LTBP1: variants seen among roughly 807,000 people sequenced by gnomAD.
LTBP1 encodes the protein latent-transforming growth factor beta-binding protein 1.
In LTBP1, 129 loss-of-function variants were observed where a neutral mutation model predicts 207.6. That is an observed-to-expected ratio of 0.62 (90% CI 0.54 to 0.72). The LOEUF is 0.72. Among genes scored for constraint, LTBP1 ranks in the 30% least tolerant of loss-of-function variants. The probability of loss-of-function intolerance (pLI) is 0.00; values close to 1 mark genes in which losing one functional copy is unlikely to be tolerated. For missense variants in LTBP1, 2,281 were observed against 2,217.2 expected, an observed-to-expected ratio of 1.03 and a Z score of -0.58; for synonymous variants, 963 against 833.7, an observed-to-expected ratio of 1.16 and a Z score of -2.67.
chr2:33,323,623 C>T (rs916055005), intron 24 of LTBP1, among the ~76,000 whole-genome samples: 5 of 101,896 alleles, frequency 4.9e-5, no homozygotes, highest in Non-Finnish European at 8.0e-5. Flanking sequence ...AGCAAGACTC[C>T]GTCTCAAAAC....
At chr2:33,395,297 A>C (rs895310954) in intron 32 of LTBP1, among the ~76,000 whole-genome samples, 1 of 152,164 alleles carries the variant, frequency 6.6e-6, no homozygotes, top group African/African-American at 2.4e-5. Flanking sequence ...CCCATGGTTC[A>C]TTTCCACAAA....
At chr2:33,393,843 T>G (rs1401432362) in intron 32 of LTBP1, among the ~76,000 whole-genome samples, 1 of 152,204 alleles carries the variant, frequency 6.6e-6, no homozygotes, top group African/African-American at 2.4e-5. Context: ...TATTTCTAGT[T>G]CTAGATCCTT....
At chr2:33,050,931 G>A (rs992415844) in intron 3 of LTBP1, among the ~76,000 whole-genome samples, 4 of 151,866 alleles carry the variant, frequency 2.6e-5, no homozygotes, top group East Asian at 1.9e-4. Flanking sequence ...ACAGGGTTTC[G>A]CCAGACTGGT....
intron 31 of LTBP1, 44 bp from the exon 32 acceptor site, chr2:33,389,140 G>T: frequency 1.2e-6 from 2 of 1,612,594 alleles, no homozygotes; most frequent in Non-Finnish European, 1.7e-6. Context: ...GGGCAGGTGC[G>T]AGCTAACAGT....
intron 31 of LTBP1, among the ~76,000 whole-genome samples, chr2:33,374,693 G>A (rs939738305): frequency 2.0e-5 from 3 of 152,146 alleles, no homozygotes; most frequent in East Asian, 1.9e-4. Context: ...AGTGGCTCAC[G>A]CCTGTAACCT....
chr2:33,254,787 C>T (rs2092788972), intron 11 of LTBP1, among the ~76,000 whole-genome samples: 2 of 114,722 alleles, frequency 1.7e-5, no homozygotes, highest in East Asian at 4.8e-4. Flanking sequence ...GTGATGTTCC[C>T]CTTCCTGTGT....
chr2:33,037,678 A>T (rs903404452), intron 3 of LTBP1, among the ~76,000 whole-genome samples: 9 of 152,138 alleles, frequency 5.9e-5, no homozygotes, highest in Non-Finnish European at 1.3e-4. Flanking sequence ...GTGAGTATTC[A>T]TTGGAATTTT....
chr2:33,256,894 G>C (rs1349115431), intron 11 of LTBP1, among the ~76,000 whole-genome samples: 1 of 149,362 alleles, frequency 6.7e-6, no homozygotes, highest in Non-Finnish European at 1.5e-5. Context: ...TTTATGTAAG[G>C]GTCTTGAGCA....
chr2:33,258,943 C>G (rs1002015804), intron 12 of LTBP1, among the ~76,000 whole-genome samples: 3 of 152,320 alleles, frequency 2.0e-5, no homozygotes, highest in African/African-American at 2.4e-5. Context: ...AAAGGCATCA[C>G]CAACACCCTC....
At chr2:33,246,623 T>C (rs992624895) in intron 10 of LTBP1, among the ~76,000 whole-genome samples, 1 of 152,104 alleles carries the variant, frequency 6.6e-6, no homozygotes, top group South Asian at 2.1e-4. Flanking sequence ...ACAGCATGAA[T>C]TTAGGCCATA....
intron 3 of LTBP1, among the ~76,000 whole-genome samples, chr2:33,029,442 G>A (rs970248066): frequency 1.1e-4 from 16 of 152,048 alleles, no homozygotes; most frequent in African/African-American, 2.4e-4. Context: ...GCGCCACTGC[G>A]CTCCAGCATG....
At chr2:33,008,635 G>C (rs1375620402) in intron 2 of LTBP1, among the ~76,000 whole-genome samples, 1 of 152,164 alleles carries the variant, frequency 6.6e-6, no homozygotes, top group East Asian at 1.9e-4. Flanking sequence ...TCTTCTAGGC[G>C]CAGGGCAAAA....
intron 15 of LTBP1, among the ~76,000 whole-genome samples, chr2:33,267,564 C>T (rs2093214589): frequency 6.6e-6 from 1 of 152,078 alleles, no homozygotes; most frequent in South Asian, 2.1e-4. Context: ...GCAAATAATA[C>T]ACTATTTTGG....
intron 3 of LTBP1, among the ~76,000 whole-genome samples, chr2:33,073,746 C>T (rs976573269): frequency 7.2e-5 from 11 of 152,142 alleles, no homozygotes; most frequent in African/African-American, 2.7e-4. Flanking sequence ...TGTGCCTCAG[C>T]TTCCTGAGTA....
intron 2 of LTBP1, among the ~76,000 whole-genome samples, chr2:33,006,800 C>T (rs1686959623): frequency 6.6e-6 from 1 of 152,102 alleles, no homozygotes; most frequent in East Asian, 1.9e-4. Flanking sequence ...TCTGTTTCAG[C>T]TTAATTTCTG....
chr2:33,171,118 A>T lies in LTBP1; in HGVS notation c.1202-15738A>T, dbSNP rs199956324. Among the ~76,000 whole-genome samples, 199 of 132,904 alleles carry T rather than the reference A, an allele frequency of 1.5e-3. 3 individuals are homozygous for T. Among genetic ancestry groups the T allele is most frequent in the African/African-American group, 5.2e-3 (190 of 36,214 alleles). The allele number at this position is 132,904 out of a possible 152,430, so 87.2% of individuals were successfully genotyped here. A position where few individuals can be genotyped will look rare whatever the true frequency, so the allele number is the denominator to read the frequency against. ...AAGCAGAGCACCTCTCCTCCAAAGG[A>T]ACGCAGTTCCTCACCAGCAACGGAA... On this transcript the variant is annotated intron_variant, in intron 5 of 33. Coordinates refer to ENST00000404816, the MANE Select transcript of LTBP1 (RefSeq NM_206943.4).
intron 3 of LTBP1, among the ~76,000 whole-genome samples, chr2:33,023,513 T>C (rs2149247732): frequency 1.3e-5 from 2 of 152,350 alleles, no homozygotes; most frequent in Middle Eastern, 6.8e-3. Flanking sequence ...AGACTTCATC[T>C]GCTGAATGAA....
chr2:32,974,357 A>G (rs1053087379), intron 2 of LTBP1, among the ~76,000 whole-genome samples: 1 of 152,064 alleles, frequency 6.6e-6, no homozygotes, highest in African/African-American at 2.4e-5. Flanking sequence ...AGTGATGTTC[A>G]TTTGCCTGTT....
At chr2:33,322,917 C>T (rs2094376915) in intron 24 of LTBP1, among the ~76,000 whole-genome samples, 2 of 152,130 alleles carry the variant, frequency 1.3e-5, no homozygotes, top group Admixed American at 1.3e-4. Context: ...TCTTTACCAC[C>T]TTATTCTACT....
Sources: allele counts gnomAD v4.1 joint callset (sites outside exome capture counted in the v4.1 genomes callset), GRCh38; gene constraint gnomAD v4.1.1; transcripts MANE v1.5; gene names NCBI Gene and HGNC (gene_info 2026-07-23, HGNC 2026-07-21).